The following LRRK2 variants were observed in gnomAD, a reference collection of about 807,000 sequenced individuals.
LRRK2 encodes leucine-rich repeat serine/threonine-protein kinase 2.
In LRRK2, 203 loss-of-function variants were observed where a neutral mutation model predicts 302.6. The ratio of observed to expected loss-of-function variants is 0.67; its 90% CI spans 0.60 to 0.75. LRRK2 has a LOEUF of 0.75. Ranked by LOEUF, LRRK2 falls within the 30% of genes least tolerant of loss-of-function variation. The pLI is 0.00. For synonymous variants in LRRK2, 1,066 were observed against 1,031.9 expected, an observed-to-expected ratio of 1.03 and a Z score of -0.63; for missense variants, 2,830 against 2,951.0, an observed-to-expected ratio of 0.96 and a Z score of 0.95.
intron 49 of LRRK2, chr12:40,366,738 A>G: frequency 2.6e-6 from 1 of 391,664 alleles, no homozygotes; most frequent in East Asian, 5.7e-5. Context: ...GTAATGTATA[A>G]ATACTGAGCC....
intron 20 of LRRK2, among the ~76,000 whole-genome samples, chr12:40,293,214 T>G (rs1174947219): frequency 6.6e-6 from 1 of 152,050 alleles, no homozygotes; most frequent in Non-Finnish European, 1.5e-5. Flanking sequence ...GTTGATTGAT[T>G]TGGCTTTTTC....
rs1173807591 is a variant in LRRK2 at position 40,225,560 on chromosome 12, A to T, written c.157A>T (p.Lys53Ter). 1 of 1,613,880 alleles carries T rather than the reference A, an allele frequency of 6.2e-7. No homozygotes were observed. The highest frequency in any genetic ancestry group is 1.7e-5 in the Admixed American group (1 of 59,998). Residue 53 changes from lysine (K) to a stop codon, truncating the protein, a stop_gained, in exon 2 of 51, where the codon AAG becomes TAG. Transcript: ENST00000298910. LOFTEE classifies it high-confidence loss of function. ...CCCACCCACTTGTTTTCCAGCCTCC[A>T]AGTTATTTCAAGGCAAAAATATCCA... is the stretch of plus-strand genomic sequence containing the variant. ...LVFTYSERAS[K>*]LFQGKNIHVP...
At chr12:40,271,829 A>G (rs1430636646) in intron 14 of LRRK2, among the ~76,000 whole-genome samples, 3 of 152,224 alleles carry the variant, frequency 2.0e-5, no homozygotes, top group South Asian at 4.1e-4. Flanking sequence ...CTCTTTTTGC[A>G]TAGACAAATC....
chr12:40,346,828 T>TACTC lies in LRRK2; in HGVS notation c.6186_6189dup (p.Tyr2064ThrfsTer3). ...GCTGATGTTTATTCATTTGGTTTAC[T>TACTC]ACTCTATGACATTTTGACAACTGGA... On this transcript the variant is annotated frameshift_variant, in exon 42 of 51. Coordinates refer to ENST00000298910, the MANE Select transcript of LRRK2 (RefSeq NM_198578.4). LOFTEE classifies it high-confidence loss of function. The TACTC allele has an allele frequency of 2.5e-6, 4 of 1,613,064 alleles. No individual in the cohort carries two copies. Among genetic ancestry groups the TACTC allele is most frequent in the Non-Finnish European group, 3.4e-6 (4 of 1,179,004 alleles).
intron 14 of LRRK2, among the ~76,000 whole-genome samples, chr12:40,266,099 C>T (rs1206892745): frequency 6.6e-6 from 1 of 152,156 alleles, no homozygotes; most frequent in Admixed American, 6.5e-5. Context: ...TAGGCAAGGC[C>T]TTCATGTCTA....
At chr12:40,255,510 C>G (rs1565684601) in intron 11 of LRRK2, among the ~76,000 whole-genome samples, 1 of 152,138 alleles carries the variant, frequency 6.6e-6, no homozygotes, top group East Asian at 1.9e-4. Context: ...TTATTGCTTG[C>G]AATTTTCAAA....
chr12:40,325,232 A>G (rs1945508822), intron 38 of LRRK2, among the ~76,000 whole-genome samples: 1 of 152,206 alleles, frequency 6.6e-6, no homozygotes, highest in Non-Finnish European at 1.5e-5. Flanking sequence ...GGTTGCAGTG[A>G]GCCGAGGTTG....
chr12:40,323,442 T>C (rs1455815483), intron 38 of LRRK2, 136 bp downstream of exon 38: 3 of 808,080 alleles, frequency 3.7e-6, no homozygotes, highest in Admixed American at 2.9e-5. Flanking sequence ...GTATTTGGAA[T>C]GATATATTTT....
chr12:40,270,750 CT>C (rs1170960630), intron 14 of LRRK2, among the ~76,000 whole-genome samples: 4 of 151,970 alleles, frequency 2.6e-5, no homozygotes, highest in African/African-American at 9.7e-5. Flanking sequence ...ATACATTCAA[CT>C]TTTTTCCTGG....
intron 3 of LRRK2, among the ~76,000 whole-genome samples, chr12:40,233,764 G>A (rs1255854584): frequency 6.6e-6 from 1 of 152,158 alleles, no homozygotes; most frequent in Non-Finnish European, 1.5e-5. Context: ...TCATATTCCT[G>A]TACAAACCAA....
chr12:40,344,206 C>T (rs10459264), intron 41 of LRRK2, among the ~76,000 whole-genome samples: 9,741 of 152,102 alleles, frequency 0.064, 425 homozygotes, highest in Admixed American at 0.13. Flanking sequence ...TAGAATTAGA[C>T]GAAATGACCC....
chr12:40,262,889 G>A (rs1217254041), intron 13 of LRRK2, among the ~76,000 whole-genome samples: 2 of 152,154 alleles, frequency 1.3e-5, no homozygotes, highest in Non-Finnish European at 2.9e-5. Context: ...ACGGCAAGAG[G>A]TGAATGTCAG....
chr12:40,350,420 T>C (rs1946316025), intron 43 of LRRK2, among the ~76,000 whole-genome samples: 1 of 152,254 alleles, frequency 6.6e-6, no homozygotes, highest in South Asian at 2.1e-4. Context: ...TTCAATGTTT[T>C]TAATACATTG....
At chr12:40,329,294 A>C (rs1008798175) in intron 39 of LRRK2, among the ~76,000 whole-genome samples, 1 of 152,140 alleles carries the variant, frequency 6.6e-6, no homozygotes, top group East Asian at 1.9e-4. Flanking sequence ...TGATTTTCAA[A>C]ACTTTTGTTT....
chr12:40,240,513 A>G lies in LRRK2; in HGVS notation c.602A>G (p.Glu201Gly). ...VSEEQLTEFV[E>G]NKDYMILLSA... ...GAGGAGCAACTGACTGAATTTGTTG[A>G]GAACAAAGATTATATGATATTGTTA... The change falls in exon 6 of 51, where the codon GAG (glutamate) becomes GGG (glycine). Residue 201 changes from glutamate (E) to glycine (G), a missense_variant. Physicochemically the swap from Glu to Gly is moderately conservative, Grantham distance 98. Around this residue, in one of 3 missense-constraint regions of LRRK2, gnomAD observed 2,121 missense variants for 2,148.0 expected, o/e 0.99. Coordinates refer to ENST00000298910, the MANE Select transcript of LRRK2 (RefSeq NM_198578.4). 1 of 1,613,088 alleles carries G rather than the reference A, an allele frequency of 6.2e-7. No individual in the cohort carries two copies. The highest frequency in any genetic ancestry group is 8.5e-7 in the Non-Finnish European group (1 of 1,179,418).
chr12:40,367,626 A>AT lies in LRRK2; in HGVS notation c.7463-11dup. On this transcript the variant is annotated splice_polypyrimidine_tract_variant and intron_variant, in intron 50 of 50. Coordinates refer to ENST00000298910, the MANE Select transcript of LRRK2 (RefSeq NM_198578.4). ...TGATGGATCTTTGAAACATGATTTC[A>AT]TTTTTTTCTTTTTCTAGAGATACAA... is the stretch of plus-strand genomic sequence containing the variant. 2 of 1,595,678 alleles carry AT rather than the reference A, an allele frequency of 1.3e-6. No individual in the cohort carries two copies. Among genetic ancestry groups the AT allele is most frequent in the Non-Finnish European group, 1.7e-6 (2 of 1,170,696 alleles).
chr12:40,367,438 A>C (rs1230220845), intron 50 of LRRK2: 4 of 432,602 alleles, frequency 9.2e-6, no homozygotes, highest in African/African-American at 8.2e-5. Context: ...TTGATACTCT[A>C]TTTGAAATTT....
intron 20 of LRRK2, among the ~76,000 whole-genome samples, chr12:40,287,990 C>A (rs1221986028): frequency 2.6e-5 from 4 of 151,780 alleles, no homozygotes; most frequent in Non-Finnish European, 2.9e-5. Flanking sequence ...TAGCTTAAAA[C>A]AATATTAATA....
At position 40,225,079 on chromosome 12, in the gene LRRK2, T is replaced by G. The variant is rs41286472; in HGVS notation, c.-53T>G. On this transcript the variant is annotated 5_prime_UTR_variant, in exon 1 of 51. Transcript: ENST00000298910. ...GTGGCCGGCGCCCCTGCCGGTTCCC[T>G]GAGCAGCGGACGTTCATGCTGGGAG... 8.7e-6 allele frequency: 14 copies of G among 1,609,938 alleles called. No homozygotes were observed. Among genetic ancestry groups the G allele is most frequent in the Non-Finnish European group, 1.7e-6 (2 of 1,178,902 alleles).
Sources: gnomAD v4.1 joint callset for allele counts (sites outside exome capture counted in the v4.1 genomes callset) on GRCh38, gnomAD v4.1.1 for gene constraint, gnomAD v4.1.1 regional missense constraint, MANE v1.5 for transcripts, NCBI Gene and HGNC (gene_info 2026-07-23, HGNC 2026-07-21) for gene names.